The following ARHGAP10 variants were observed in gnomAD, a reference collection of about 807,000 sequenced individuals.
ARHGAP10 encodes rho GTPase-activating protein 10.
ARHGAP10 carries 87 observed loss-of-function variants against 108.6 expected under a neutral mutation model. That is an observed-to-expected ratio of 0.80 (90% CI 0.67 to 0.96). The LOEUF (loss-of-function observed/expected upper bound fraction) is 0.96, where lower values mean the gene tolerates loss of function less well. Ranked by LOEUF, ARHGAP10 falls within the 40% of genes least tolerant of loss-of-function variation. The pLI, the probability that ARHGAP10 is intolerant of heterozygous loss-of-function variation, is 0.00. For synonymous variants in ARHGAP10, 347 were observed against 341.1 expected, an observed-to-expected ratio of 1.02 and a Z score of -0.19; for missense variants, 939 against 954.5, an observed-to-expected ratio of 0.98 and a Z score of 0.21.
chr4:147,847,765 G>T (rs1421139131), intron 4 of ARHGAP10, among the ~76,000 whole-genome samples: 1 of 152,184 alleles, frequency 6.6e-6, no homozygotes, highest in Non-Finnish European at 1.5e-5. Context: ...ATTCAAAGGT[G>T]AGTGAACCAC....
chr4:147,738,184 C>T (rs1342610620), intron 1 of ARHGAP10, among the ~76,000 whole-genome samples: 1 of 152,110 alleles, frequency 6.6e-6, no homozygotes, highest in Non-Finnish European at 1.5e-5. Flanking sequence ...CATACCCAAG[C>T]TCAACCACCT....
intron 1 of ARHGAP10, among the ~76,000 whole-genome samples, chr4:147,790,984 T>C (rs10027921): frequency 0.76 from 115,031 of 152,090 alleles, 49,053 homozygotes; most frequent in Non-Finnish European, 0.94. Context: ...TTTGGGATGT[T>C]TCATTGCCAC....
intron 3 of ARHGAP10, among the ~76,000 whole-genome samples, chr4:147,844,133 T>A (rs569749427): frequency 1.3e-5 from 2 of 152,322 alleles, no homozygotes; most frequent in South Asian, 4.1e-4. Flanking sequence ...CTGCTTTCCC[T>A]CAAGATTTTC....
chr4:147,972,997 C>T (rs1310685861), intron 18 of ARHGAP10, among the ~76,000 whole-genome samples: 1 of 151,992 alleles, frequency 6.6e-6, no homozygotes, highest in Admixed American at 6.6e-5. Flanking sequence ...TCAAGTGATC[C>T]ACCGGCCTTG....
intron 20 of ARHGAP10, among the ~76,000 whole-genome samples, chr4:148,055,022 G>A (rs1278076435): frequency 6.6e-6 from 1 of 152,190 alleles, no homozygotes; most frequent in African/African-American, 2.4e-5. Flanking sequence ...TGAAGTTACA[G>A]TTCCTTTTCT....
intron 5 of ARHGAP10, 98 bp from the exon 6 acceptor site, chr4:147,864,748 C>T (rs948101867): frequency 7.4e-6 from 7 of 941,030 alleles, no homozygotes; most frequent in Non-Finnish European, 1.1e-5. Context: ...AGGCAGCACA[C>T]CGTATTTTGG....
chr4:147,948,977 A>T (rs1039195197), intron 15 of ARHGAP10, among the ~76,000 whole-genome samples: 1 of 151,088 alleles, frequency 6.6e-6, no homozygotes, highest in Non-Finnish European at 1.5e-5. Flanking sequence ...AAAAAAAAAA[A>T]ACAAAAAAAC....
At chr4:147,861,475 C>CTAT (rs1734320637) in intron 5 of ARHGAP10, 1 of 151,946 alleles carries the variant, frequency 6.6e-6, no homozygotes, top group Non-Finnish European at 1.5e-5. Flanking sequence ...GGGAGGATCA[C>CTAT]CCCTGTTTGT....
chr4:147,830,004 C>T (rs1211761043), intron 3 of ARHGAP10, among the ~76,000 whole-genome samples: 1 of 152,150 alleles, frequency 6.6e-6, no homozygotes, highest in Non-Finnish European at 1.5e-5. Flanking sequence ...TGGAGCTGTT[C>T]CGCCTCCCTC....
At position 148,046,970 on chromosome 4, in the gene ARHGAP10, C is replaced by G; in HGVS notation, c.1946C>G (p.Thr649Arg). The stretch of plus-strand genomic sequence containing the variant: ...CTTTCCTCCCCGTCTCCCGTGACTA[C>G]AGCTGTCCCTGGGCCTCCTGGACCA... ...DSLSSPSPVT[T>R]AVPGPPGPDK... The change falls in exon 20 of 23, where the codon ACA (threonine) becomes AGA (arginine). Residue 649 changes from threonine (T) to arginine (R), a missense_variant. Physicochemically the swap from Thr to Arg is moderately conservative, Grantham distance 71. Coordinates refer to ENST00000336498, the MANE Select transcript of ARHGAP10 (RefSeq NM_024605.4). 6.2e-7 allele frequency: 1 copy of G among 1,614,184 alleles called. No individual in the cohort carries two copies. Among genetic ancestry groups the G allele is most frequent in the Non-Finnish European group, 8.5e-7 (1 of 1,180,022 alleles).
intron 21 of ARHGAP10, among the ~76,000 whole-genome samples, chr4:148,063,654 C>T (rs914686040): frequency 4.6e-5 from 7 of 152,204 alleles, no homozygotes; most frequent in Admixed American, 1.3e-4. Flanking sequence ...TGGAAACATT[C>T]GCTTCCATGG....
intron 1 of ARHGAP10, among the ~76,000 whole-genome samples, chr4:147,742,381 TTTA>T (rs199982785): frequency 6.6e-6 from 1 of 151,832 alleles, no homozygotes; most frequent in Non-Finnish European, 1.5e-5. Flanking sequence ...GCCTATTATT[TTTA>T]TTATTATTAT....
At chr4:148,059,138 C>A (rs1208669015) in intron 20 of ARHGAP10, among the ~76,000 whole-genome samples, 1 of 152,204 alleles carries the variant, frequency 6.6e-6, no homozygotes, top group African/African-American at 2.4e-5. Context: ...TGATGTTGGC[C>A]TTCCGTGCTG....
intron 21 of ARHGAP10, 62 bp from the exon 22 acceptor site, chr4:148,064,354 G>A (rs1173264203): frequency 2.0e-6 from 3 of 1,497,530 alleles, no homozygotes; most frequent in Admixed American, 3.6e-5. Context: ...GGGTTGGGGG[G>A]TGAAGTTTCT....
At chr4:147,982,544 A>ATT (rs1276269006) in intron 18 of ARHGAP10, among the ~76,000 whole-genome samples, 27 of 105,366 alleles carry the variant, frequency 2.6e-4, no homozygotes, top group African/African-American at 1.4e-3. Flanking sequence ...ACCCAGCTAA[A>ATT]TCTTTTTTTT....
chr4:147,955,397 T>C (rs974904109), intron 16 of ARHGAP10, 23 bp downstream of exon 16: 1 of 1,595,666 alleles, frequency 6.3e-7, no homozygotes, highest in East Asian at 2.2e-5. Context: ...TAAAGGTATA[T>C]AGGAACAGTT....
chr4:147,878,972 G>A (rs1283103241), intron 8 of ARHGAP10, among the ~76,000 whole-genome samples: 3 of 151,738 alleles, frequency 2.0e-5, no homozygotes, highest in South Asian at 2.1e-4. Flanking sequence ...GAGTTTCACC[G>A]TGTTAGCCAG....
rs17023736 is a variant in ARHGAP10 at position 147,739,564 on chromosome 4, A to T, written c.154+7109A>T. Among the ~76,000 whole-genome samples the T allele has an allele frequency of 8.0e-3, 1,213 of 152,284 alleles. 16 individuals are homozygous for T. Among genetic ancestry groups the T allele is most frequent in the African/African-American group, 0.028 (1,154 of 41,542 alleles). On this transcript the variant is annotated intron_variant, in intron 1 of 22. Coordinates refer to ENST00000336498, the MANE Select transcript of ARHGAP10 (RefSeq NM_024605.4). ...CCTAACAGCTTGTATTTGCTATGGTAAATTCACAATAAAAGAAGACGACCA... is the reference window on the plus strand; with the variant it reads ...CCTAACAGCTTGTATTTGCTATGGTTAATTCACAATAAAAGAAGACGACCA...
At chr4:147,912,556 T>G (rs909638792) in intron 12 of ARHGAP10, among the ~76,000 whole-genome samples, 10 of 1,072 alleles carry the variant, frequency 9.3e-3, no homozygotes, top group Admixed American at 0.045. Flanking sequence ...CAAATATATA[T>G]ATATATATAT....
Sources: gnomAD v4.1 joint callset for allele counts (sites outside exome capture counted in the v4.1 genomes callset) on GRCh38, gnomAD v4.1.1 for gene constraint, MANE v1.5 for transcripts, NCBI Gene and HGNC (gene_info 2026-07-23, HGNC 2026-07-21) for gene names.